RFX2: variants seen among roughly 807,000 people sequenced by gnomAD.
RFX2 encodes regulatory factor X2.
In RFX2, 20 loss-of-function variants were observed where a neutral mutation model predicts 87.8. That is an observed-to-expected ratio of 0.23 (90% CI 0.16 to 0.33). The LOEUF (loss-of-function observed/expected upper bound fraction) is 0.33, where lower values mean the gene tolerates loss of function less well. RFX2 is among the 10% of genes least tolerant of loss of function. The probability of loss-of-function intolerance (pLI) is 1.00; values close to 1 mark genes in which losing one functional copy is unlikely to be tolerated. For synonymous variants in RFX2, 397 were observed against 431.3 expected, an observed-to-expected ratio of 0.92 and a Z score of 0.98; for missense variants, 767 against 1,012.3, an observed-to-expected ratio of 0.76 and a Z score of 3.29.
At chr19:6,060,330 T>G (rs1329591832) in intron 1 of RFX2, among the ~76,000 whole-genome samples, 3 of 152,144 alleles carry the variant, frequency 2.0e-5, no homozygotes, top group African/African-American at 7.2e-5. Context: ...GCCTAAAATA[T>G]GTACTCTCTG....
chr19:6,088,692 T>C (rs1190580754), intron 1 of RFX2, among the ~76,000 whole-genome samples: 2 of 152,200 alleles, frequency 1.3e-5, no homozygotes, highest in African/African-American at 4.8e-5. Flanking sequence ...TTGAAGAGCC[T>C]AAGGGGTTTT....
intron 1 of RFX2, among the ~76,000 whole-genome samples, chr19:6,068,658 G>A (rs1364877073): frequency 6.6e-6 from 1 of 151,988 alleles, no homozygotes; most frequent in Non-Finnish European, 1.5e-5. Flanking sequence ...CAGTACAAAG[G>A]CCCCGAGGTG....
rs1008830600 is a variant in RFX2, at chr19:6,101,564, A to T, written c.-9+8829T>A. ...TAAAAGATAAACAGTTTGCATTTTT[A>T]AAAAAGTATAATTAAGTGCTGTTGC... is the stretch of plus-strand genomic sequence containing the variant. On this transcript the variant is annotated intron_variant, in intron 1 of 17. Transcript: ENST00000303657. The surrounding 1 kb of genome is among the most constrained non-coding windows in gnomAD (Gnocchi z 4.9). Among the ~76,000 whole-genome samples, 6 of 152,234 alleles carry T rather than the reference A, an allele frequency of 3.9e-5. No individual in the cohort carries two copies. The highest frequency in any genetic ancestry group is 7.3e-5 in the Non-Finnish European group (5 of 68,040).
In RFX2 at chr19:6,039,741, C is replaced by T. The variant is rs117039612; in HGVS notation, c.522+239G>A. On this transcript the variant is annotated intron_variant, in intron 5 of 17. Coordinates refer to ENST00000303657, the MANE Select transcript of RFX2 (RefSeq NM_000635.4). This position sits in a 1 kb window ranked among gnomAD's most constrained non-coding sequence, Gnocchi z 5.2. ...ATTCCCTTTTCACAACAGCCCATGA[C>T]GCATGGCTTGTCCTCCTCTTTATAC... is the stretch of plus-strand genomic sequence containing the variant. Among the ~76,000 whole-genome samples, 944 of 152,360 alleles carry T rather than the reference C, an allele frequency of 6.2e-3. 6 individuals carry two copies. Among genetic ancestry groups the T allele is most frequent in the Non-Finnish European group, 8.2e-3 (559 of 68,030 alleles).
Position 5,998,068 on chromosome 19 carries a change from G to C in RFX2, c.1860-855C>G, listed in dbSNP as rs528151819. On this transcript the variant is annotated intron_variant, in intron 15 of 17. Coordinates refer to ENST00000303657, the MANE Select transcript of RFX2 (RefSeq NM_000635.4). The surrounding 1 kb of genome is among the most constrained non-coding windows in gnomAD (Gnocchi z 4.2). ...CACACCTGTAATCCCAGCACTTTGGGAGGCCAGGGCGGGCAGATCACTTGG... is the reference window on the plus strand; with the variant it reads ...CACACCTGTAATCCCAGCACTTTGGCAGGCCAGGGCGGGCAGATCACTTGG... Among the ~76,000 whole-genome samples, 51 of 152,246 alleles carry C rather than the reference G, an allele frequency of 3.3e-4. 1 individual carries two copies. The highest frequency in any genetic ancestry group is 1.1e-3 in the African/African-American group (44 of 41,560).
At chr19:6,065,394 C>T (rs1014746474) in intron 1 of RFX2, among the ~76,000 whole-genome samples, 1 of 152,132 alleles carries the variant, frequency 6.6e-6, no homozygotes, top group Non-Finnish European at 1.5e-5. Context: ...TGCCTGTAAT[C>T]CCAGCACTTT....
In RFX2 at chr19:6,074,390, G is replaced by C. The variant is rs1009169672; in HGVS notation, c.-8-26886C>G. Among the ~76,000 whole-genome samples the C allele has an allele frequency of 6.6e-6, 1 of 152,222 alleles. No homozygotes were observed. The highest frequency in any genetic ancestry group is 1.5e-5 in the Non-Finnish European group (1 of 68,042). On this transcript the variant is annotated intron_variant, in intron 1 of 17. Coordinates refer to ENST00000303657, the MANE Select transcript of RFX2 (RefSeq NM_000635.4). The surrounding 1 kb of genome is among the most constrained non-coding windows in gnomAD (Gnocchi z 5.2). ...CCACCTTCCTCTTAGCACCCGGCCTGTGCCGGTGCATCTCCTCACCCCACA... is the reference window on the plus strand; with the variant it reads ...CCACCTTCCTCTTAGCACCCGGCCTCTGCCGGTGCATCTCCTCACCCCACA...
rs1328240575 is a variant in RFX2 at position 6,016,613 on chromosome 19, A to G, written c.598-342T>C. Reference sequence around the variant, plus strand: ...ACCATGTTGCCCAGGCTGGTCTCAAACTACTGACCTCAGGTGATCCGCCTG... The same window carrying G: ...ACCATGTTGCCCAGGCTGGTCTCAAGCTACTGACCTCAGGTGATCCGCCTG... On this transcript the variant is annotated intron_variant, in intron 6 of 17. Transcript: ENST00000303657. This position sits in a 1 kb window ranked among gnomAD's most constrained non-coding sequence, Gnocchi z 5.4. Among the ~76,000 whole-genome samples the G allele has an allele frequency of 6.6e-6, 1 of 152,104 alleles. No individual in the cohort carries two copies. Among genetic ancestry groups the G allele is most frequent in the Non-Finnish European group, 1.5e-5 (1 of 68,022 alleles).
intron 6 of RFX2, among the ~76,000 whole-genome samples, chr19:6,019,505 TGTGA>T (rs998065607): frequency 1.6e-5 from 2 of 123,454 alleles, no homozygotes; most frequent in African/African-American, 6.6e-5. Context: ...GAAGTTAGTG[TGTGA>T]GTATGTGTGT....
Position 5,999,653 on chromosome 19 carries a change from G to C in RFX2, c.1859+2162C>G, listed in dbSNP as rs1017322476. Among the ~76,000 whole-genome samples the C allele has an allele frequency of 4.6e-5, 7 of 152,148 alleles. No homozygotes were observed. Among genetic ancestry groups the C allele is most frequent in the South Asian group, 2.1e-4 (1 of 4,826 alleles). On this transcript the variant is annotated intron_variant, in intron 15 of 17. Coordinates refer to ENST00000303657, the MANE Select transcript of RFX2 (RefSeq NM_000635.4). This position sits in a 1 kb window ranked among gnomAD's most constrained non-coding sequence, Gnocchi z 4.1. The stretch of plus-strand genomic sequence containing the variant: ...TGAGCCAGCATTTAAACAGAAGTGA[G>C]GTCCCGGCACTCGGGTAGCGTGCCT...
At chr19:6,069,860 G>A (rs1265946673) in intron 1 of RFX2, among the ~76,000 whole-genome samples, 1 of 152,192 alleles carries the variant, frequency 6.6e-6, no homozygotes, top group African/African-American at 2.4e-5. Context: ...GAGGAATGGG[G>A]AGGCAGCTGG....
At chr19:6,072,868 AG>A in intron 1 of RFX2, 1 of 1,302,382 alleles carries the variant, frequency 7.7e-7, no homozygotes, top group South Asian at 1.2e-5. Flanking sequence ...CGTCAAAAAG[AG>A]AACCAAGGAG....
intron 5 of RFX2, among the ~76,000 whole-genome samples, chr19:6,030,352 CA>C (rs1396401169): frequency 6.6e-6 from 1 of 152,148 alleles, no homozygotes; most frequent in Non-Finnish European, 1.5e-5. Flanking sequence ...ACGACTTAAT[CA>C]AAGTGCCAGA....
At chr19:6,105,627 G>T (rs2088205017) in intron 1 of RFX2, among the ~76,000 whole-genome samples, 1 of 152,184 alleles carries the variant, frequency 6.6e-6, no homozygotes, top group Admixed American at 6.5e-5. Context: ...TGGGCTGAGA[G>T]ACTGCCGAGC....
chr19:6,012,956 C>T lies in RFX2; in HGVS notation c.899+30G>A, dbSNP rs2086678414. On this transcript the variant is annotated intron_variant, in intron 8 of 17. Transcript: ENST00000303657. The surrounding 1 kb of genome is among the most constrained non-coding windows in gnomAD (Gnocchi z 4.6). ...ACCCCTCCATGCTCCAGGGGAGAGC[C>T]AGCTCCTCCCAGCTCGGCCCGGCAC... 1 of 1,487,312 alleles carries T rather than the reference C, an allele frequency of 6.7e-7. No individual in the cohort carries two copies. Among genetic ancestry groups the T allele is most frequent in the East Asian group, 2.5e-5 (1 of 40,628 alleles). The allele number at this position is 1,487,312 out of a possible 1,614,324, so 92.1% of individuals were successfully genotyped here. A position where few individuals can be genotyped will look rare whatever the true frequency, so the allele number is the denominator to read the frequency against.
chr19:6,027,395 C>T lies in RFX2; in HGVS notation c.523-1158G>A, dbSNP rs2144736699. The T allele has an allele frequency of 6.6e-6, 1 of 152,412 alleles. No homozygotes were observed. Among genetic ancestry groups the T allele is most frequent in the East Asian group, 1.9e-4 (1 of 5,178 alleles). The allele number at this position is 152,412 out of a possible 1,614,324, so 9.4% of individuals were successfully genotyped here. A position where few individuals can be genotyped will look rare whatever the true frequency, so the allele number is the denominator to read the frequency against. ...GGGAAAGTAGGATGGTGAGACCTCT[C>T]CCACCCATCAGCCTCAGGGTGCAGG... On this transcript the variant is annotated intron_variant, in intron 5 of 17. Coordinates refer to ENST00000303657, the MANE Select transcript of RFX2 (RefSeq NM_000635.4). The surrounding 1 kb of genome is among the most constrained non-coding windows in gnomAD (Gnocchi z 5.0).
chr19:6,058,074 G>C (rs1039164106), intron 1 of RFX2, among the ~76,000 whole-genome samples: 5 of 152,198 alleles, frequency 3.3e-5, no homozygotes, highest in African/African-American at 1.2e-4. Flanking sequence ...GGACCCAGTT[G>C]GTTCTCAGTG....
intron 1 of RFX2, among the ~76,000 whole-genome samples, chr19:6,103,221 C>CA (rs2088156504): frequency 6.6e-6 from 1 of 152,148 alleles, no homozygotes; most frequent in African/African-American, 2.4e-5. Flanking sequence ...GGACTGACAG[C>CA]ATTTAAAATC....
intron 1 of RFX2, among the ~76,000 whole-genome samples, chr19:6,048,571 A>G (rs142070849): frequency 1.8e-4 from 27 of 152,240 alleles, no homozygotes; most frequent in Non-Finnish European, 3.8e-4. Flanking sequence ...TGGGGTCTCC[A>G]TGGCTCCTGC....
Sources: gnomAD v4.1 joint callset for allele counts (sites outside exome capture counted in the v4.1 genomes callset) on GRCh38, gnomAD v4.1.1 for gene constraint, Gnocchi (gnomAD v3.1) non-coding constraint, MANE v1.5 for transcripts, NCBI Gene and HGNC (gene_info 2026-07-23, HGNC 2026-07-21) for gene names.